The following PRH1 variants were observed in gnomAD, a reference collection of about 807,000 sequenced individuals.
The protein encoded by PRH1 is proline rich protein HaeIII subfamily 1.
A neutral mutation model predicts 7.9 loss-of-function variants in PRH1; 7 were observed. The ratio of observed to expected loss-of-function variants is 0.89; its 90% CI spans 0.50 to 1.67. The LOEUF (loss-of-function observed/expected upper bound fraction) is 1.67, where lower values mean the gene tolerates loss of function less well. Ranked by LOEUF, PRH1 falls within the 40% of genes most tolerant of loss-of-function variation. PRH1 has a pLI of 0.00. For missense variants in PRH1, 109 were observed against 223.6 expected, an observed-to-expected ratio of 0.49 and a Z score of 3.27; for synonymous variants, 45 against 80.8, an observed-to-expected ratio of 0.56 and a Z score of 2.38.
chr12:10,909,521 C>T, intron 2 of PRH1: 1 of 479,946 alleles, frequency 2.1e-6, no homozygotes. Flanking sequence ...AATTTCTCTG[C>T]TGAGCCCTAG....
In PRH1 at chr12:11,007,080, AGTAAAT is replaced by A. The variant is rs1940865869; in HGVS notation, c.-125-33365_-125-33360del. Among the ~76,000 whole-genome samples, 11 of 152,284 alleles carry A rather than the reference AGTAAAT, an allele frequency of 7.2e-5. No homozygotes were observed. In the South Asian group the frequency reaches 2.3e-3, roughly 32 times the overall value. On this transcript the variant is annotated intron_variant, in intron 1 of 3. Transcript: ENST00000539853. ...TTAAAACCCAATACATATGTCATAC[AGTAAAT>A]GTCTAAACTGTTAAAAGAGCTTGGT...
intron 1 of PRH1, among the ~76,000 whole-genome samples, chr12:11,160,131 AAT>A (rs1272836501): frequency 6.6e-6 from 1 of 152,192 alleles, no homozygotes; most frequent in East Asian, 1.9e-4. Flanking sequence ...CTTGAATACA[AAT>A]ATCTTAAATT....
chr12:11,125,427 C>A (rs7135082), intron 1 of PRH1, among the ~76,000 whole-genome samples: 659 of 152,332 alleles, frequency 4.3e-3, no homozygotes, highest in Non-Finnish European at 5.7e-3. Flanking sequence ...AAGTTAAATT[C>A]TCTCTACTGC....
chr12:11,161,085 G>A (rs1219499656), intron 1 of PRH1, among the ~76,000 whole-genome samples: 3 of 151,990 alleles, frequency 2.0e-5, no homozygotes, highest in African/African-American at 2.4e-5. Flanking sequence ...TTCCAGGCCC[G>A]TCCCATAAAA....
At chr12:10,906,001 TG>T (rs1221410105) in intron 2 of PRH1, among the ~76,000 whole-genome samples, 1 of 152,126 alleles carries the variant, frequency 6.6e-6, no homozygotes, top group Admixed American at 6.6e-5. Context: ...AAGATGCTAT[TG>T]GGTAAATAAA....
upstream of PRH1, chr12:11,171,546 T>C (rs948886678): frequency 8.1e-7 from 1 of 1,232,164 alleles, no homozygotes. Flanking sequence ...CAACATCCGA[T>C]TGCAGGTACA....
At chr12:10,885,539 G>C (rs1438058131), upstream of PRH1, among the ~76,000 whole-genome samples, 3 of 152,118 alleles carry the variant, frequency 2.0e-5, no homozygotes, top group Non-Finnish European at 4.4e-5. Flanking sequence ...TCAGGGTCCT[G>C]GTTTGGTAGC....
At chr12:11,055,190 T>A (rs1213669586) in intron 1 of PRH1, among the ~76,000 whole-genome samples, 1 of 151,914 alleles carries the variant, frequency 6.6e-6, no homozygotes, top group African/African-American at 2.4e-5. Context: ...AACAGCATAC[T>A]GTAAGGCAAC....
At chr12:11,098,767 T>C (rs1945139830) in intron 1 of PRH1, among the ~76,000 whole-genome samples, 1 of 152,218 alleles carries the variant, frequency 6.6e-6, no homozygotes, top group Admixed American at 6.5e-5. Flanking sequence ...TCCATAAGAT[T>C]TGGTTGCTGC....
At chr12:10,913,865 A>G (rs1404700661) in intron 2 of PRH1, among the ~76,000 whole-genome samples, 1 of 152,220 alleles carries the variant, frequency 6.6e-6, no homozygotes, top group African/African-American at 2.4e-5. Flanking sequence ...TGTGACCACT[A>G]TGAGCACAGG....
chr12:11,170,496 G>A (rs927410793), intron 1 of PRH1, among the ~76,000 whole-genome samples: 1 of 152,178 alleles, frequency 6.6e-6, no homozygotes, highest in Non-Finnish European at 1.5e-5. Flanking sequence ...GCAGTGAGCC[G>A]AGATCGCGCC....
At position 10,884,239 on chromosome 12, in the gene PRH1, A is replaced by C. The variant is rs1314598986; in HGVS notation, c.-22T>G. 4 of 1,613,970 alleles carry C rather than the reference A, an allele frequency of 2.5e-6. No homozygotes were observed. The Admixed American group carries it at 6.7e-5, about 27-fold the overall frequency. The stretch of plus-strand genomic sequence containing the variant: ...GCATCTTGCAGGAGGCTCTGGTGTC[A>C]CTCCCAACTTTGTGCTGGGAGAAAC... On this transcript the variant is annotated 5_prime_UTR_variant, in exon 1 of 4. Transcript: ENST00000543626.
intron 2 of PRH1, among the ~76,000 whole-genome samples, chr12:10,927,094 T>G (rs1339656587): frequency 1.3e-5 from 2 of 152,160 alleles, no homozygotes; most frequent in Non-Finnish European, 2.9e-5. Context: ...TAGTCTCTTT[T>G]GCTGATTGTT....
At chr12:11,120,010 G>C (rs1206196322), downstream of PRH1, among the ~76,000 whole-genome samples, 1 of 152,208 alleles carries the variant, frequency 6.6e-6, no homozygotes, top group Non-Finnish European at 1.5e-5. Flanking sequence ...ATAGAAAGTT[G>C]TAATATATGT....
intron 2 of PRH1, among the ~76,000 whole-genome samples, chr12:10,949,566 T>C (rs1171944902): frequency 1.3e-5 from 2 of 152,226 alleles, no homozygotes; most frequent in Non-Finnish European, 2.9e-5. Context: ...CTATGCTTCT[T>C]TGTTAAGAAA....
At chr12:11,027,246 C>T (rs372130324) in intron 1 of PRH1, among the ~76,000 whole-genome samples, 7,754 of 72,456 alleles carry the variant, frequency 0.11, no homozygotes, top group East Asian at 0.21. Context: ...GCCTCAGGGA[C>T]AGAATGAGAC....
chr12:11,135,877 AATGAGACGAGTAATAATAATTTCT>A (rs1946535786), intron 1 of PRH1, among the ~76,000 whole-genome samples: 1 of 152,186 alleles, frequency 6.6e-6, no homozygotes, highest in South Asian at 2.1e-4. Context: ...CTCAGTATAT[AATGAGACGAGTAATAATAATTTCT>A]ATGAGACGTT....
At chr12:10,907,742 T>C (rs1949826400) in intron 2 of PRH1, among the ~76,000 whole-genome samples, 1 of 150,740 alleles carries the variant, frequency 6.6e-6, no homozygotes, top group African/African-American at 2.4e-5. Flanking sequence ...GACTAACATG[T>C]TGCATTTTAT....
intron 1 of PRH1, among the ~76,000 whole-genome samples, chr12:11,122,780 T>C (rs1244489850): frequency 1.3e-5 from 2 of 152,170 alleles, no homozygotes; most frequent in Non-Finnish European, 2.9e-5. Flanking sequence ...TTTCTCCTAA[T>C]TAATAATTTT....
Sources: allele counts gnomAD v4.1 joint callset (sites outside exome capture counted in the v4.1 genomes callset), GRCh38; gene constraint gnomAD v4.1.1; transcripts MANE v1.5; gene names NCBI Gene and HGNC (gene_info 2026-07-23, HGNC 2026-07-21).